The following AVIL variants were observed in gnomAD, a reference collection of about 807,000 sequenced individuals.
AVIL encodes advillin.
AVIL carries 78 observed loss-of-function variants against 109.9 expected under a neutral mutation model. That is an observed-to-expected ratio of 0.71 (90% CI 0.59 to 0.86). The LOEUF (loss-of-function observed/expected upper bound fraction) is 0.86, where lower values mean the gene tolerates loss of function less well. Ranked by LOEUF, AVIL falls within the 40% of genes least tolerant of loss-of-function variation. The pLI, the probability that AVIL is intolerant of heterozygous loss-of-function variation, is 0.00. For synonymous variants in AVIL, 367 were observed against 379.1 expected (o/e 0.97, Z 0.37); for missense variants, 892 against 1,016.5 (o/e 0.88, Z 1.67).
In AVIL at chr12:57,814,197, G is replaced by A. The variant is rs778535270; in HGVS notation, c.96C>T (p.Ser32=). 21 of 1,612,892 alleles carry A rather than the reference G, an allele frequency of 1.3e-5. No homozygotes were observed. Among genetic ancestry groups the A allele is most frequent in the East Asian group, 8.9e-5 (4 of 44,810 alleles). ...EKMELALVPV[S]AHGNFYEGDC... is the part of the protein sequence containing the mutation. ...CCCCCTCATAGAAGTTGCCGTGGGC[G>A]CTCACAGGCACCAGCGCCAGCTCCA... is the stretch of plus-strand genomic sequence containing the variant. Residue 32 remains serine (S), a synonymous_variant, in exon 3 of 20, where the codon AGC becomes AGT. Coordinates refer to ENST00000549994, the MANE Select transcript of AVIL (RefSeq NM_006576.4).
At chr12:57,817,045 T>C (rs1395730399) in intron 1 of AVIL, among the ~76,000 whole-genome samples, 1 of 151,930 alleles carries the variant, frequency 6.6e-6, no homozygotes, top group Non-Finnish European at 1.5e-5. Context: ...GTACCATCTG[T>C]ATTCAAGGAG....
chr12:57,802,179 C>T lies in AVIL; in HGVS notation c.2132G>A (p.Trp711Ter). The change falls in exon 17 of 20, where the codon TGG becomes TAG. Residue 711 changes from tryptophan to a stop codon, truncating the protein, a stop_gained. Coordinates refer to ENST00000549994, the MANE Select transcript of AVIL (RefSeq NM_006576.4). LOFTEE classifies it high-confidence loss of function. ...PPIFTGWFLA[W>*]DPNIWSAGKT... ...TCTTACACTCCAAATGTTAGGGTCC[C>T]AGGCTAGGAACCAGCCTGTGAAGAT... 6.2e-7 allele frequency: 1 copy of T among 1,613,930 alleles called. No homozygotes were observed. Among genetic ancestry groups the T allele is most frequent in the Non-Finnish European group, 8.5e-7 (1 of 1,179,864 alleles).
chr12:57,797,989 G>C lies in AVIL; in HGVS notation c.2353C>G (p.Leu785Val). The change falls in exon 20 of 20, where the codon CTC becomes GTC. Residue 785 changes from leucine to valine, a missense_variant. Coordinates refer to ENST00000549994, the MANE Select transcript of AVIL (RefSeq NM_006576.4). ...ACAGACACAAAGTCCTGTTCAGAGA[G>C]GTAATTCTAAGAGAGAAAACAAAGT... ...DVNPAKKENYLSEQDFVSVFG... is the reference protein window; with the variant it reads ...DVNPAKKENYVSEQDFVSVFG... 2 of 1,603,810 alleles carry C rather than the reference G, an allele frequency of 1.2e-6. 1 individual carries two copies.
At chr12:57,817,445 G>C (rs752907511) in intron 1 of AVIL, among the ~76,000 whole-genome samples, 38 of 151,550 alleles carry the variant, frequency 2.5e-4, no homozygotes, top group Non-Finnish European at 4.6e-4. Context: ...CTAAAGCAAG[G>C]CAATGGTGCG....
chr12:57,800,086 T>A, intron 18 of AVIL, 166 bp from the exon 19 acceptor site: 1 of 918,678 alleles, frequency 1.1e-6, no homozygotes, highest in Non-Finnish European at 1.6e-6. Flanking sequence ...CAGAATCATC[T>A]GGGAATAGAA....
rs999531556 is a variant in AVIL, at chr12:57,799,693, C to G, written c.2346+102G>C. The G allele has an allele frequency of 8.6e-6, 13 of 1,509,452 alleles. No individual in the cohort carries two copies. In the East Asian group the frequency reaches 2.7e-4, roughly 32 times the overall value. The allele number at this position is 1,509,452 out of a possible 1,614,324, so 93.5% of individuals were successfully genotyped here. On this transcript the variant is annotated intron_variant, in intron 19 of 19. Transcript: ENST00000549994. Reference sequence around the variant, plus strand: ...CTAGGTAGCTCAGATGTCCATTGAGCGGCTACAATGTGCCGGAGCTGTCCT... The same window carrying G: ...CTAGGTAGCTCAGATGTCCATTGAGGGGCTACAATGTGCCGGAGCTGTCCT...
Position 57,813,379 on chromosome 12 carries a change from C to T in AVIL, c.186G>A (p.Trp62Ter). ...ASLLSQDIHF[W>*]IGKDSSQDEQ... is the part of the protein sequence containing the mutation. ...CATCCTGGGAGGAGTCCTTCCCGAT[C>T]CAGAAGTGGATGTCCTGGGATAGGA... The change falls in exon 4 of 20, where the codon TGG becomes TGA. Residue 62 changes from tryptophan to a stop codon, truncating the protein, a stop_gained. Transcript: ENST00000549994. LOFTEE classifies it high-confidence loss of function. 13 of 1,614,114 alleles carry T rather than the reference C, an allele frequency of 8.1e-6. No homozygotes were observed. Among genetic ancestry groups the T allele is most frequent in the South Asian group, 1.1e-5 (1 of 91,086 alleles).
intron 1 of AVIL, among the ~76,000 whole-genome samples, chr12:57,818,212 T>TTTTTTTTTTTTTTTTTTC (rs1956121291): frequency 8.4e-6 from 1 of 118,864 alleles, no homozygotes; most frequent in Non-Finnish European, 1.8e-5. Flanking sequence ...TTTTTTTTTT[T>TTTTTTTTTTTTTTTTTTC]TGTAGAGACA....
Position 57,799,840 on chromosome 12 carries a change from G to C in AVIL, c.2301C>G (p.Asn767Lys). 6.2e-7 allele frequency: 1 copy of C among 1,614,138 alleles called. No homozygotes were observed. The highest frequency in any genetic ancestry group is 1.1e-5 in the South Asian group (1 of 91,088). Reference sequence around the variant, plus strand: ...CATCCTCAGGCAGCTCCTGATTCTGGTTTTTCAACAGAACTGCTATAGGGT... The same window carrying C: ...CATCCTCAGGCAGCTCCTGATTCTGCTTTTTCAACAGAACTGCTATAGGGT... Reference protein sequence around the residue: ...KYYPIAVLLKNQNQELPEDVN... With the variant: ...KYYPIAVLLKKQNQELPEDVN... Residue 767 changes from asparagine to lysine, a missense_variant, in exon 19 of 20, where the codon AAC becomes AAG. Asn to Lys is a moderately conservative substitution (Grantham distance 94). Transcript: ENST00000549994.
chr12:57,799,109 G>T (rs1165371398), intron 19 of AVIL, among the ~76,000 whole-genome samples: 1 of 152,208 alleles, frequency 6.6e-6, no homozygotes, highest in Non-Finnish European at 1.5e-5. Context: ...AGGGACTGGA[G>T]CAGGTATGGG....
chr12:57,801,448 A>C, intron 17 of AVIL: 1 of 353,030 alleles, frequency 2.8e-6, no homozygotes, highest in Non-Finnish European at 5.3e-6. Context: ...TTTAAGAAAG[A>C]GCAGTTGAAG....
chr12:57,802,418 T>G, intron 16 of AVIL, 70 bp from the exon 17 acceptor site: 1 of 1,488,760 alleles, frequency 6.7e-7, no homozygotes, highest in Non-Finnish European at 9.1e-7. Context: ...TCATACACAT[T>G]ACCCTATCTT....
chr12:57,799,987 A>G lies in AVIL; in HGVS notation c.2221-67T>C, dbSNP rs1173357585. 2.5e-6 allele frequency: 4 copies of G among 1,581,034 alleles called. No individual in the cohort carries two copies. In the East Asian group the frequency reaches 9.0e-5, roughly 36 times the overall value. On this transcript the variant is annotated intron_variant, in intron 18 of 19. Transcript: ENST00000549994. ...AGTGTCTGTGTGGTTACAGTTCTGAATGTGTATAATATTTAACATTTTGAC... is the reference window on the plus strand; with the variant it reads ...AGTGTCTGTGTGGTTACAGTTCTGAGTGTGTATAATATTTAACATTTTGAC...
Position 57,803,296 on chromosome 12 carries a change from T to G in AVIL, c.1913A>C (p.Gln638Pro). The change falls in exon 16 of 20, where the codon CAG (glutamine) becomes CCG (proline). Residue 638 changes from glutamine to proline, a missense_variant. Coordinates refer to ENST00000549994, the MANE Select transcript of AVIL (RefSeq NM_006576.4). Reference sequence around the variant, plus strand: ...CACGTCAGTAGGGTTCAGGTCATCCTGGGTGAAGTCTGTGATCTCAGTGAC... The same window carrying G: ...CACGTCAGTAGGGTTCAGGTCATCCGGGGTGAAGTCTGTGATCTCAGTGAC... ...FVVTEITDFT[Q>P]DDLNPTDVML... 3.1e-6 allele frequency: 5 copies of G among 1,614,220 alleles called. No individual in the cohort carries two copies. The highest frequency in any genetic ancestry group is 1.3e-5 in the African/African-American group (1 of 75,058).
intron 9 of AVIL, chr12:57,808,837 A>G: frequency 2.6e-6 from 1 of 384,182 alleles, no homozygotes; most frequent in Non-Finnish European, 4.7e-6. Flanking sequence ...CTGACTTTGC[A>G]TCACATTTGT....
chr12:57,815,957 G>A lies in AVIL; in HGVS notation c.66+18C>T, dbSNP rs1381720175. On this transcript the variant is annotated intron_variant, in intron 2 of 19. Coordinates refer to ENST00000549994, the MANE Select transcript of AVIL (RefSeq NM_006576.4). ...AGATGCCAGTGGTCACAAGTAAGGTGCCTCCAGCCCAGCTCACCTCTATTC... is the reference window on the plus strand; with the variant it reads ...AGATGCCAGTGGTCACAAGTAAGGTACCTCCAGCCCAGCTCACCTCTATTC... The A allele has an allele frequency of 1.2e-6, 2 of 1,613,872 alleles. No homozygotes were observed. Among genetic ancestry groups the A allele is most frequent in the African/African-American group, 2.7e-5 (2 of 74,942 alleles).
chr12:57,808,461 A>G lies in AVIL; in HGVS notation c.1027T>C (p.Phe343Leu), dbSNP rs746975718. The change falls in exon 10 of 20, where the codon TTC becomes CTC. Residue 343 changes from phenylalanine (F) to leucine (L), a missense_variant. Phe to Leu is a conservative substitution (Grantham distance 22, BLOSUM62 0). Transcript: ENST00000549994. ...GAESAMFKQL[F>L]QKWSVKDQTM... ...TGGTCCTTTACTGACCACTTCTGGA[A>G]CAGCTGCTTGAACATGGCCGACTCA... 8 of 1,614,174 alleles carry G rather than the reference A, an allele frequency of 5.0e-6. No homozygotes were observed. In the East Asian group the frequency reaches 1.3e-4, roughly 27 times the overall value.
intron 16 of AVIL, 129 bp from the exon 17 acceptor site, chr12:57,802,477 C>T: frequency 8.9e-7 from 1 of 1,118,512 alleles, no homozygotes; most frequent in East Asian, 2.6e-5. Flanking sequence ...CTTTCTCAGC[C>T]TAATTTGTTC....
chr12:57,808,476 T>C lies in AVIL; in HGVS notation c.1012A>G (p.Met338Val), dbSNP rs145316510. The C allele has an allele frequency of 3.1e-6, 5 of 1,614,180 alleles. No individual in the cohort carries two copies. Among genetic ancestry groups the C allele is most frequent in the Non-Finnish European group, 4.2e-6 (5 of 1,180,036 alleles). The change falls in exon 10 of 20, where the codon ATG (methionine) becomes GTG (valine). Residue 338 changes from methionine to valine, a missense_variant. Met to Val is a conservative substitution (Grantham distance 21). Coordinates refer to ENST00000549994, the MANE Select transcript of AVIL (RefSeq NM_006576.4). ...CACTTCTGGAACAGCTGCTTGAACA[T>C]GGCCGACTCAGCACCATCGTTGACG... Reference protein sequence around the residue: ...ETVNDGAESAMFKQLFQKWSV... With the variant: ...ETVNDGAESAVFKQLFQKWSV...
Sources: gnomAD v4.1 joint callset for allele counts (sites outside exome capture counted in the v4.1 genomes callset) on GRCh38, gnomAD v4.1.1 for gene constraint, MANE v1.5 for transcripts, NCBI Gene and HGNC (gene_info 2026-07-23, HGNC 2026-07-21) for gene names.